The following KCNIP4 variants were observed in gnomAD, a reference collection of about 807,000 sequenced individuals.
The protein encoded by KCNIP4 is potassium voltage-gated channel interacting protein 4, also known as Kv channel-interacting protein 4.
Under a neutral mutation model 34.0 loss-of-function variants are expected in KCNIP4, and 12 were observed. The ratio of observed to expected loss-of-function variants is 0.35; its 90% CI spans 0.23 to 0.57. The LOEUF (loss-of-function observed/expected upper bound fraction) is 0.57, where lower values mean the gene tolerates loss of function less well. KCNIP4 is among the 20% of genes least tolerant of loss of function. The pLI is 0.83. For synonymous variants in KCNIP4, 124 were observed against 102.2 expected (o/e 1.21, Z -1.29); for missense variants, 238 against 311.7 (o/e 0.76, Z 1.78).
intron 1 of KCNIP4, among the ~76,000 whole-genome samples, chr4:21,459,124 C>T (rs1292472185): frequency 1.3e-5 from 2 of 152,044 alleles, no homozygotes; most frequent in Non-Finnish European, 1.5e-5. Context: ...CTGTTTCAAA[C>T]TTCTCAAAAG....
chr4:21,715,359 T>C (rs1714284445), intron 1 of KCNIP4, among the ~76,000 whole-genome samples: 6 of 152,086 alleles, frequency 3.9e-5, no homozygotes. Flanking sequence ...CTTGCTCTCC[T>C]GACCTTGTGA....
At chr4:21,250,019 C>A (rs1760577293) in intron 1 of KCNIP4, among the ~76,000 whole-genome samples, 1 of 151,734 alleles carries the variant, frequency 6.6e-6, no homozygotes. Context: ...TCTTGATATC[C>A]ATTCAGGCTT....
At chr4:21,925,531 C>A (rs190025454) in intron 1 of KCNIP4, among the ~76,000 whole-genome samples, 15 of 152,160 alleles carry the variant, frequency 9.9e-5, no homozygotes, top group Non-Finnish European at 1.8e-4. Context: ...GTGAATAGTG[C>A]TGCTATAAAC....
intron 1 of KCNIP4, among the ~76,000 whole-genome samples, chr4:21,291,257 G>A (rs960057922): frequency 1.3e-5 from 2 of 152,138 alleles, no homozygotes; most frequent in Non-Finnish European, 2.9e-5. Context: ...CTCAATGCAT[G>A]TTAACTGGTA....
intron 4 of KCNIP4, 95 bp downstream of exon 4, chr4:20,758,725 TA>T: frequency 1.1e-6 from 1 of 923,304 alleles, no homozygotes; most frequent in Non-Finnish European, 1.7e-6. Flanking sequence ...ACATAACGAT[TA>T]AAAATGTAGC....
chr4:21,521,472 G>A (rs970110847), intron 1 of KCNIP4, among the ~76,000 whole-genome samples: 2 of 152,004 alleles, frequency 1.3e-5, no homozygotes, highest in South Asian at 4.2e-4. Context: ...GGCTTCACAA[G>A]AATATCAAAA....
In KCNIP4 at chr4:21,093,811, G is replaced by A. The variant is rs571699193; in HGVS notation, c.62-211102C>T. ...AAAAGAAAAAAAGCTGGCCAGGCAC[G>A]TTGGCTGACGCCTGTAATCCTAGCA... On this transcript the variant is annotated intron_variant, in intron 1 of 8. Coordinates refer to ENST00000382152, the MANE Select transcript of KCNIP4 (RefSeq NM_025221.6). Among the ~76,000 whole-genome samples, 5 of 152,244 alleles carry A rather than the reference G, an allele frequency of 3.3e-5. No homozygotes were observed. In the East Asian group the frequency reaches 5.8e-4, roughly 18 times the overall value.
chr4:21,810,939 G>A (rs115021579), intron 1 of KCNIP4, among the ~76,000 whole-genome samples: 2,196 of 152,214 alleles, frequency 0.014, 41 homozygotes, highest in African/African-American at 0.039. Context: ...GGGAAATACA[G>A]GTTTTGTTAT....
At chr4:21,159,151 G>T (rs1753388603) in intron 1 of KCNIP4, among the ~76,000 whole-genome samples, 1 of 152,026 alleles carries the variant, frequency 6.6e-6, no homozygotes, top group African/African-American at 2.4e-5. Flanking sequence ...ACTAGCCAGG[G>T]AAATTTTAAA....
intron 1 of KCNIP4, among the ~76,000 whole-genome samples, chr4:20,922,467 C>T (rs1365460720): frequency 6.6e-6 from 1 of 152,072 alleles, no homozygotes; most frequent in Non-Finnish European, 1.5e-5. Flanking sequence ...CCTGGTTTGC[C>T]AGCTTGCAGA....
At chr4:20,964,947 C>T (rs188395168) in intron 1 of KCNIP4, among the ~76,000 whole-genome samples, 350 of 151,974 alleles carry the variant, frequency 2.3e-3, no homozygotes, top group African/African-American at 4.3e-3. Flanking sequence ...TAGTAGTGTA[C>T]GGGTTCAGGA....
At position 21,948,744 on chromosome 4, in the gene KCNIP4, C is replaced by G; in HGVS notation, c.-113G>C. On this transcript the variant is annotated 5_prime_UTR_variant, in exon 1 of 9. Transcript: ENST00000382152. ...GCTCGGCCCGGGGGCGTCCGTGGCGCTGGGAGCGAGAGCTTCGGCGGCGGC... is the reference window on the plus strand; with the variant it reads ...GCTCGGCCCGGGGGCGTCCGTGGCGGTGGGAGCGAGAGCTTCGGCGGCGGC... 1 of 1,236,562 alleles carries G rather than the reference C, an allele frequency of 8.1e-7. No individual in the cohort carries two copies. The highest frequency in any genetic ancestry group is 2.2e-4 in the Middle Eastern group (1 of 4,602). 76.6% of individuals were successfully genotyped at this position (1,236,562 alleles called of 1,614,324 possible). A position where few individuals can be genotyped will look rare whatever the true frequency, so the allele number is the denominator to read the frequency against.
intron 1 of KCNIP4, among the ~76,000 whole-genome samples, chr4:21,739,238 C>A (rs1368478815): frequency 6.6e-6 from 1 of 152,098 alleles, no homozygotes; most frequent in African/African-American, 2.4e-5. Context: ...CTTCCAAAAA[C>A]TGTTGATGTA....
chr4:21,672,188 G>A (rs1348463262), intron 1 of KCNIP4, among the ~76,000 whole-genome samples: 2 of 152,254 alleles, frequency 1.3e-5, no homozygotes, highest in East Asian at 1.9e-4. Flanking sequence ...TGTAGATGAT[G>A]GGTTGATGGG....
chr4:21,692,888 T>C (rs542204010), intron 1 of KCNIP4, among the ~76,000 whole-genome samples: 2 of 149,592 alleles, frequency 1.3e-5, no homozygotes, highest in Admixed American at 6.7e-5. Flanking sequence ...TGTTTATTTA[T>C]GTGAGGTCTT....
chr4:21,559,705 G>A (rs995088372), intron 1 of KCNIP4, among the ~76,000 whole-genome samples: 9 of 152,038 alleles, frequency 5.9e-5, no homozygotes. Context: ...AGACTATGCA[G>A]AGAAAGTATC....
chr4:21,056,703 A>G (rs1427741717), intron 1 of KCNIP4, among the ~76,000 whole-genome samples: 1 of 152,074 alleles, frequency 6.6e-6, no homozygotes, highest in Non-Finnish European at 1.5e-5. Flanking sequence ...GCTATTATAA[A>G]CCTTTGTGAC....
intron 1 of KCNIP4, among the ~76,000 whole-genome samples, chr4:21,137,989 A>G (rs902132498): frequency 2.0e-5 from 3 of 149,098 alleles, no homozygotes; most frequent in South Asian, 4.2e-4. Flanking sequence ...CTCCTTCCTC[A>G]GCCTCCCGAG....
At chr4:20,887,738 A>G (rs1055774979) in intron 1 of KCNIP4, among the ~76,000 whole-genome samples, 1 of 152,180 alleles carries the variant, frequency 6.6e-6, no homozygotes, top group African/African-American at 2.4e-5. Context: ...AAGAAATGCT[A>G]AAGGAATGTC....
Sources: allele counts gnomAD v4.1 joint callset (sites outside exome capture counted in the v4.1 genomes callset), GRCh38; gene constraint gnomAD v4.1.1; transcripts MANE v1.5; gene names NCBI Gene and HGNC (gene_info 2026-07-23, HGNC 2026-07-21).